Variants in EYA2 observed in about 807,000 individuals in gnomAD.
The protein encoded by EYA2 is protein phosphatase EYA2.
A neutral mutation model predicts 69.2 loss-of-function variants in EYA2; 31 were observed. That is an observed-to-expected ratio of 0.45 (90% CI 0.34 to 0.60). The LOEUF (loss-of-function observed/expected upper bound fraction) is 0.60, where lower values mean the gene tolerates loss of function less well. Among genes scored for constraint, EYA2 ranks in the 20% least tolerant of loss-of-function variants. The pLI is 0.02. For missense variants in EYA2, 622 were observed against 701.2 expected (o/e 0.89, Z 1.28); for synonymous variants, 257 against 279.4 (o/e 0.92, Z 0.80).
intron 5 of EYA2, among the ~76,000 whole-genome samples, chr20:47,063,827 C>T (rs528049651): frequency 6.6e-6 from 1 of 152,380 alleles, no homozygotes; most frequent in South Asian, 2.1e-4. Flanking sequence ...GCTCCCACCA[C>T]TCTGTGGGGT....
rs74178703 is a variant in EYA2, at chr20:47,130,261, C to CTTTTTTTTTTTTTTTTT, written c.889-12793_889-12777dup. ...AAAGAAATAAAAGAAGGTTTATTTT[C>CTTTTTTTTTTTTTTTTT]TTTTTTTTTTTTTTTTTTTTTGAGA... On this transcript the variant is annotated intron_variant, in intron 9 of 15. Coordinates refer to ENST00000327619, the MANE Select transcript of EYA2 (RefSeq NM_005244.5). 3.3e-4 allele frequency among the ~76,000 whole-genome samples: 27 copies of CTTTTTTTTTTTTTTTTT among 81,266 alleles called. 7 individuals carry two copies. Among genetic ancestry groups the CTTTTTTTTTTTTTTTTT allele is most frequent in the African/African-American group, 8.6e-4 (15 of 17,378 alleles). The allele number at this position is 81,266 out of a possible 152,430, so 53.3% of individuals were successfully genotyped here. A position where few individuals can be genotyped will look rare whatever the true frequency, so the allele number is the denominator to read the frequency against.
At chr20:47,006,317 CA>C (rs1982711001) in intron 4 of EYA2, among the ~76,000 whole-genome samples, 1 of 152,184 alleles carries the variant, frequency 6.6e-6, no homozygotes, top group Non-Finnish European at 1.5e-5. Context: ...GAAGGTGAGG[CA>C]GGGGTGGTTC....
At chr20:47,003,958 G>A (rs1244823701) in intron 3 of EYA2, among the ~76,000 whole-genome samples, 3 of 152,204 alleles carry the variant, frequency 2.0e-5, no homozygotes, top group Non-Finnish European at 4.4e-5. Flanking sequence ...GCATCCATGA[G>A]ATATAATGTA....
At chr20:46,900,655 C>G (rs1984056024) in intron 1 of EYA2, among the ~76,000 whole-genome samples, 1 of 152,192 alleles carries the variant, frequency 6.6e-6, no homozygotes, top group Non-Finnish European at 1.5e-5. Context: ...AAAAAGCCCC[C>G]TTAGCCAGTT....
chr20:47,008,800 T>A (rs1982885921), intron 4 of EYA2, among the ~76,000 whole-genome samples: 1 of 152,226 alleles, frequency 6.6e-6, no homozygotes. Context: ...CCTAAACCTC[T>A]GTTTTCACAT....
chr20:47,111,348 A>C (rs2032743619), intron 9 of EYA2, among the ~76,000 whole-genome samples: 1 of 152,226 alleles, frequency 6.6e-6, no homozygotes, highest in African/African-American at 2.4e-5. Context: ...GTGGCATAAA[A>C]CAATAAGCAT....
intron 1 of EYA2, among the ~76,000 whole-genome samples, chr20:46,913,364 G>A (rs978335340): frequency 1.3e-5 from 2 of 152,160 alleles, no homozygotes; most frequent in Non-Finnish European, 2.9e-5. Flanking sequence ...GGCAGGAGAT[G>A]TAGTTAGGGA....
intron 1 of EYA2, among the ~76,000 whole-genome samples, chr20:46,935,154 C>T (rs936656987): frequency 2.6e-5 from 4 of 152,202 alleles, no homozygotes; most frequent in Admixed American, 2.6e-4. Flanking sequence ...CAGCTCTACT[C>T]AGGGCCAAAC....
rs79522130 is a variant in EYA2, at chr20:47,056,305, A to G, written c.416-15880A>G. Among the ~76,000 whole-genome samples the G allele has an allele frequency of 3.1e-3, 474 of 151,954 alleles. 1 individual carries two copies. Among genetic ancestry groups the G allele is most frequent in the African/African-American group, 0.011 (449 of 41,462 alleles). On this transcript the variant is annotated intron_variant, in intron 5 of 15. Transcript: ENST00000327619. ...TTGGTCTCAGAGCTGAGAACGCAAC[A>G]TGGGTACCCCAGGAGGCTTTGTCTG... is the stretch of plus-strand genomic sequence containing the variant.
At chr20:47,110,995 T>C (rs1335751022) in intron 9 of EYA2, among the ~76,000 whole-genome samples, 1 of 152,260 alleles carries the variant, frequency 6.6e-6, no homozygotes, top group Non-Finnish European at 1.5e-5. Flanking sequence ...AAAATGTCTT[T>C]GTTCTACTGT....
chr20:46,977,983 C>T (rs946744353), intron 1 of EYA2, among the ~76,000 whole-genome samples: 1 of 152,186 alleles, frequency 6.6e-6, no homozygotes, highest in African/African-American at 2.4e-5. Context: ...TCACACTGAA[C>T]ACCTGGGGCG....
intron 11 of EYA2, 32 bp downstream of exon 11, chr20:47,169,229 G>C: frequency 6.4e-7 from 1 of 1,571,054 alleles, no homozygotes; most frequent in Non-Finnish European, 8.8e-7. Flanking sequence ...AATGCCCATT[G>C]ATTGATTGAT....
chr20:47,039,093 C>T (rs6124925), intron 5 of EYA2, among the ~76,000 whole-genome samples: 14,680 of 146,186 alleles, frequency 0.1, 1,089 homozygotes, highest in East Asian at 0.31. Flanking sequence ...TAGCAAAAAA[C>T]CAGAGCAGAT....
chr20:47,027,146 GA>G (rs1463326031), intron 5 of EYA2, among the ~76,000 whole-genome samples: 1 of 152,248 alleles, frequency 6.6e-6, no homozygotes, highest in Non-Finnish European at 1.5e-5. Context: ...ATGTTTCAGA[GA>G]ACTTGAGTGA....
At chr20:47,011,251 C>T (rs190245801) in intron 4 of EYA2, among the ~76,000 whole-genome samples, 21 of 152,196 alleles carry the variant, frequency 1.4e-4, no homozygotes, top group Non-Finnish European at 2.2e-4. Flanking sequence ...CAGAGGGCAC[C>T]TGCCTCAGTG....
Position 47,186,299 on chromosome 20 carries a change from T to G in EYA2, c.1537-1754T>G, listed in dbSNP as rs902921409. On this transcript the variant is annotated intron_variant, in intron 15 of 15. Coordinates refer to ENST00000327619, the MANE Select transcript of EYA2 (RefSeq NM_005244.5). The stretch of plus-strand genomic sequence containing the variant: ...CCTTTGCTCACTGAGGGATTCTCAA[T>G]CTGGGATGCCCTTCCCTTCAGTGAC... 3.3e-5 allele frequency among the ~76,000 whole-genome samples: 5 copies of G among 151,702 alleles called. No individual in the cohort carries two copies. In the South Asian group the frequency reaches 6.3e-4, roughly 19 times the overall value.
intron 12 of EYA2, among the ~76,000 whole-genome samples, chr20:47,177,248 G>A (rs1022588114): frequency 4.6e-5 from 7 of 151,990 alleles, no homozygotes; most frequent in Non-Finnish European, 2.9e-5. Context: ...GAATAGCTGG[G>A]ACCACAGGCA....
intron 8 of EYA2, among the ~76,000 whole-genome samples, chr20:47,089,594 C>T (rs2032010469): frequency 6.6e-6 from 1 of 152,186 alleles, no homozygotes; most frequent in African/African-American, 2.4e-5. Context: ...TCAGAATCAC[C>T]TGGGGGGTGG....
chr20:46,969,361 G>A (rs1568694018), intron 1 of EYA2, among the ~76,000 whole-genome samples: 1 of 152,178 alleles, frequency 6.6e-6, no homozygotes, highest in Non-Finnish European at 1.5e-5. Context: ...GGGATTACAG[G>A]CATGAGCCAC....
Sources: allele counts gnomAD v4.1 joint callset (sites outside exome capture counted in the v4.1 genomes callset), GRCh38; gene constraint gnomAD v4.1.1; transcripts MANE v1.5; gene names NCBI Gene and HGNC (gene_info 2026-07-23, HGNC 2026-07-21).